The following NCOA6 variants were observed in gnomAD, a reference collection of about 807,000 sequenced individuals.
The protein encoded by NCOA6 is NRC RAP250.
In NCOA6, 49 loss-of-function variants were observed where a neutral mutation model predicts 171.4. That is an observed-to-expected ratio of 0.29 (90% CI 0.23 to 0.36). NCOA6 has a LOEUF of 0.36. Among genes scored for constraint, NCOA6 ranks in the 10% least tolerant of loss-of-function variants. NCOA6 has a pLI of 1.00. For synonymous variants in NCOA6, 910 were observed against 927.5 expected, an observed-to-expected ratio of 0.98 and a Z score of 0.34; for missense variants, 2,248 against 2,554.5, an observed-to-expected ratio of 0.88 and a Z score of 2.59.
chr20:34,807,909 G>T (rs2078513289), intron 1 of NCOA6, among the ~76,000 whole-genome samples: 1 of 150,778 alleles, frequency 6.6e-6, no homozygotes, highest in Admixed American at 6.6e-5. Flanking sequence ...CAGCACTTTG[G>T]GAGGCCGAGG....
At position 34,742,971 on chromosome 20, in the gene NCOA6, T is replaced by C. The variant is rs2076194055; in HGVS notation, c.3285A>G (p.Gln1095=). 6.2e-7 allele frequency: 1 copy of C among 1,613,834 alleles called. No individual in the cohort carries two copies. ...PASVPPSPDK[Q]RMPMPVNTPL... ...GAGTATTCACAGGCATTGGCATTCT[T>C]TGTTTATCAGGTGATGGTGGCACGG... The change falls in exon 11 of 15, where the codon CAA becomes CAG. Residue 1095 remains glutamine (Q), a synonymous_variant. Coordinates refer to ENST00000359003, the MANE Select transcript of NCOA6 (RefSeq NM_014071.5).
At chr20:34,750,575 T>TACCAA in intron 8 of NCOA6, 56 bp from the exon 9 acceptor site, 2 of 1,470,056 alleles carry the variant, frequency 1.4e-6, no homozygotes, top group Non-Finnish European at 1.8e-6. Flanking sequence ...CTTATTGGTA[T>TACCAA]TAAGATACTC....
chr20:34,811,408 C>A (rs1277002412), intron 1 of NCOA6, among the ~76,000 whole-genome samples: 2 of 151,710 alleles, frequency 1.3e-5, no homozygotes, highest in African/African-American at 4.8e-5. Context: ...AACAACCTCT[C>A]CCTCTCAGTT....
chr20:34,773,960 T>TTAA (rs2077231287), intron 4 of NCOA6, among the ~76,000 whole-genome samples: 1 of 152,252 alleles, frequency 6.6e-6, no homozygotes, highest in Admixed American at 6.5e-5. Context: ...AGCCTAAAAG[T>TTAA]TAAAGAACTC....
At chr20:34,816,308 G>A (rs1323623067) in intron 1 of NCOA6, among the ~76,000 whole-genome samples, 1 of 152,112 alleles carries the variant, frequency 6.6e-6, no homozygotes, top group Non-Finnish European at 1.5e-5. Context: ...CAGTACCTCA[G>A]AATGTGACCT....
chr20:34,806,280 A>G (rs1056935597), intron 1 of NCOA6, among the ~76,000 whole-genome samples: 19 of 152,340 alleles, frequency 1.2e-4, no homozygotes, highest in Admixed American at 6.5e-4. Flanking sequence ...TACTGTTGAA[A>G]CATTTCAGTT....
At chr20:34,790,897 C>T (rs1022885475) in intron 2 of NCOA6, among the ~76,000 whole-genome samples, 2 of 152,064 alleles carry the variant, frequency 1.3e-5, no homozygotes, top group Non-Finnish European at 2.9e-5. Context: ...GTGATACACC[C>T]GCCTCAGCCT....
intron 1 of NCOA6, among the ~76,000 whole-genome samples, chr20:34,824,298 GC>G (rs2079089444): frequency 6.6e-6 from 1 of 152,208 alleles, no homozygotes; most frequent in Admixed American, 6.5e-5. Flanking sequence ...TGAGGAAGCA[GC>G]CGACAATTTC....
chr20:34,804,234 G>A (rs1266904605), intron 1 of NCOA6, among the ~76,000 whole-genome samples: 1 of 151,408 alleles, frequency 6.6e-6, no homozygotes, highest in Non-Finnish European at 1.5e-5. Flanking sequence ...CTATTCAGGA[G>A]GCTAAGGCAG....
At chr20:34,720,669 A>T (rs535378348) in intron 14 of NCOA6, among the ~76,000 whole-genome samples, 72 of 152,218 alleles carry the variant, frequency 4.7e-4, no homozygotes, top group Non-Finnish European at 8.8e-4. Context: ...ATGCAAAAAG[A>T]AGCCCTCTTT....
At chr20:34,722,135 CT>C (rs1220377243) in intron 14 of NCOA6, among the ~76,000 whole-genome samples, 2 of 146,910 alleles carry the variant, frequency 1.4e-5, no homozygotes, top group Non-Finnish European at 3.0e-5. Context: ...AATCCCAGCA[CT>C]TTGGGAGGCC....
chr20:34,785,393 CAGACCAGGCTAGGTAACAGCG>C (rs2077642352), intron 2 of NCOA6, among the ~76,000 whole-genome samples: 1 of 150,142 alleles, frequency 6.7e-6, no homozygotes, highest in Non-Finnish European at 1.5e-5. Flanking sequence ...CCAGGAGTTC[CAGACCAGGCTAGGTAACAGCG>C]AGACCATGTC....
At chr20:34,809,386 C>T (rs2078577156) in intron 1 of NCOA6, 2 of 397,904 alleles carry the variant, frequency 5.0e-6, no homozygotes, top group African/African-American at 2.1e-5. Context: ...ATTTATAATC[C>T]AATCCTTTAA....
Position 34,715,030 on chromosome 20 carries a change from ACT to A in NCOA6, c.*290_*291del. ...GGAGATCTAAAAATGCTCACCCTGTACTCTAGGCTGCTTAGGAAATGTGAAAA... is the reference window on the plus strand; with the variant it reads ...GGAGATCTAAAAATGCTCACCCTGTACTAGGCTGCTTAGGAAATGTGAAAA... On this transcript the variant is annotated 3_prime_UTR_variant, in exon 15 of 15. Coordinates refer to ENST00000359003, the MANE Select transcript of NCOA6 (RefSeq NM_014071.5). The A allele has an allele frequency of 2.7e-6, 1 of 373,890 alleles. No individual in the cohort carries two copies. Among genetic ancestry groups the A allele is most frequent in the Non-Finnish European group, 5.1e-6 (1 of 196,252 alleles). 23.2% of individuals were successfully genotyped at this position (373,890 alleles called of 1,614,324 possible).
At chr20:34,715,582 A>T (rs1988447348) in intron 14 of NCOA6, among the ~76,000 whole-genome samples, 1 of 152,172 alleles carries the variant, frequency 6.6e-6, no homozygotes, top group African/African-American at 2.4e-5. Flanking sequence ...AATGTGACAG[A>T]GGTGGTGGCG....
intron 3 of NCOA6, among the ~76,000 whole-genome samples, chr20:34,777,554 G>A (rs2077368949): frequency 1.3e-5 from 2 of 152,004 alleles, no homozygotes; most frequent in African/African-American, 4.8e-5. Context: ...GGCGGAGGTT[G>A]CTGTGAGCCC....
chr20:34,727,235 T>C (rs1990066920), intron 14 of NCOA6, 24 bp downstream of exon 14: 3 of 1,610,622 alleles, frequency 1.9e-6, no homozygotes, highest in East Asian at 4.5e-5. Flanking sequence ...GACCCACAAA[T>C]AGCACCCACA....
chr20:34,795,843 A>T (rs2078049329), intron 1 of NCOA6, among the ~76,000 whole-genome samples: 1 of 152,136 alleles, frequency 6.6e-6, no homozygotes, highest in Admixed American at 6.6e-5. Context: ...TTCTTAGAAG[A>T]TGCATGCTAA....
chr20:34,794,241 G>A (rs917426726), intron 1 of NCOA6, among the ~76,000 whole-genome samples: 3 of 152,136 alleles, frequency 2.0e-5, no homozygotes, highest in Non-Finnish European at 4.4e-5. Context: ...AGCTATAATA[G>A]CATCTGTAAA....
Sources: allele counts gnomAD v4.1 joint callset (sites outside exome capture counted in the v4.1 genomes callset), GRCh38; gene constraint gnomAD v4.1.1; transcripts MANE v1.5; gene names NCBI Gene and HGNC (gene_info 2026-07-23, HGNC 2026-07-21).